The following PHF2 variants were observed in gnomAD, a reference collection of about 807,000 sequenced individuals.
The protein encoded by PHF2 is PHD finger protein 2, also known as lysine-specific demethylase PHF2.
PHF2 carries 27 observed loss-of-function variants against 120.5 expected under a neutral mutation model. The ratio of observed to expected loss-of-function variants is 0.22; its 90% CI spans 0.17 to 0.31. The LOEUF is 0.31. PHF2 is among the 10% of genes least tolerant of loss of function. The pLI is 1.00. For missense variants in PHF2, 1,024 were observed against 1,434.8 expected (o/e 0.71, Z 4.63); for synonymous variants, 568 against 592.5 (o/e 0.96, Z 0.60).
Position 93,576,717 on chromosome 9 carries a change from C to CCCGGA in PHF2, c.-53_-49dup, listed in dbSNP as rs1384360674. 6 of 849,220 alleles carry CCCGGA rather than the reference C, an allele frequency of 7.1e-6. No homozygotes were observed. The highest frequency in any genetic ancestry group is 6.0e-5 in the Admixed American group (1 of 16,534). 52.6% of individuals were successfully genotyped at this position (849,220 alleles called of 1,614,324 possible). A position where few individuals can be genotyped will look rare whatever the true frequency, so the allele number is the denominator to read the frequency against. On this transcript the variant is annotated 5_prime_UTR_variant, in exon 1 of 22. Coordinates refer to ENST00000359246, the MANE Select transcript of PHF2 (RefSeq NM_005392.4). ...CCGCGCGGCCCGGCCCCCGGCCCGG[C>CCCGGA]CCGGACCGACCCGGGCAGCGCAGCG... is the stretch of plus-strand genomic sequence containing the variant.
At chr9:93,585,904 G>A (rs570817281) in intron 1 of PHF2, among the ~76,000 whole-genome samples, 8 of 152,342 alleles carry the variant, frequency 5.3e-5, no homozygotes, top group South Asian at 2.1e-4. Context: ...GGAAGGCAGC[G>A]TCAAGTGGAG....
At chr9:93,582,585 G>A (rs183823005) in intron 1 of PHF2, among the ~76,000 whole-genome samples, 15 of 152,298 alleles carry the variant, frequency 9.8e-5, no homozygotes, top group Non-Finnish European at 2.2e-4. Flanking sequence ...GTCCAGAATG[G>A]GACTTGGCTT....
intron 1 of PHF2, 21 bp from the exon 2 acceptor site, chr9:93,629,949 G>A: frequency 6.2e-7 from 1 of 1,612,656 alleles, no homozygotes; most frequent in Non-Finnish European, 8.5e-7. Context: ...CTAGGTAATG[G>A]TCTATTTCGT....
At chr9:93,579,632 C>T (rs1862897163) in intron 1 of PHF2, among the ~76,000 whole-genome samples, 1 of 152,046 alleles carries the variant, frequency 6.6e-6, no homozygotes, top group Non-Finnish European at 1.5e-5. Context: ...TGAAATAAAA[C>T]ATTACTGTAA....
chr9:93,676,723 C>CCTGCCTCCACCACAT lies in PHF2; in HGVS notation c.2963_2964insTGCCTCCACCACATC (p.Thr992_Pro993insSerAlaSerThrThr). ...CTCCACCACGCCAGCCTCTACCACC[C>CCTGCCTCCACCACAT]CGGCCTCCACCACCCCGGCCTCCAC... On this transcript the variant is annotated inframe_insertion, in exon 21 of 22. Transcript: ENST00000359246. The CCTGCCTCCACCACAT allele has an allele frequency of 1.4e-6, 2 of 1,429,300 alleles. No homozygotes were observed. Among genetic ancestry groups the CCTGCCTCCACCACAT allele is most frequent in the Non-Finnish European group, 1.8e-6 (2 of 1,092,760 alleles). 88.5% of individuals were successfully genotyped at this position (1,429,300 alleles called of 1,614,324 possible). A position where few individuals can be genotyped will look rare whatever the true frequency, so the allele number is the denominator to read the frequency against.
At chr9:93,612,806 G>A (rs974392406) in intron 1 of PHF2, among the ~76,000 whole-genome samples, 1 of 152,190 alleles carries the variant, frequency 6.6e-6, no homozygotes, top group Admixed American at 6.5e-5. Flanking sequence ...GCAGGGCCCC[G>A]GGAGGGGTGT....
chr9:93,604,405 G>A (rs1331418785), intron 1 of PHF2, among the ~76,000 whole-genome samples: 1 of 151,322 alleles, frequency 6.6e-6, no homozygotes, highest in African/African-American at 2.4e-5. Flanking sequence ...AGGATTCTGA[G>A]ATTCCATAGC....
intron 11 of PHF2, 137 bp from the exon 12 acceptor site, chr9:93,660,055 T>G (rs1587712691): frequency 9.7e-7 from 1 of 1,034,414 alleles, no homozygotes; most frequent in Non-Finnish European, 1.4e-6. Flanking sequence ...CATGATGGTG[T>G]GGGGTAGCTG....
At chr9:93,587,551 G>C (rs957430479) in intron 1 of PHF2, among the ~76,000 whole-genome samples, 2 of 151,336 alleles carry the variant, frequency 1.3e-5, no homozygotes, top group African/African-American at 4.9e-5. Context: ...GGAGCCCCGG[G>C]TGAGGGATGA....
chr9:93,611,302 C>G (rs1255519802), intron 1 of PHF2, among the ~76,000 whole-genome samples: 1 of 151,842 alleles, frequency 6.6e-6, no homozygotes. Flanking sequence ...GTAATCCCAG[C>G]TACTCAGGAG....
intron 1 of PHF2, among the ~76,000 whole-genome samples, chr9:93,614,204 G>A (rs371871979): frequency 6.6e-6 from 1 of 152,232 alleles, no homozygotes; most frequent in Non-Finnish European, 1.5e-5. Flanking sequence ...AAATTGAGAA[G>A]TTAAAGCAGC....
chr9:93,593,752 A>G (rs990823954), intron 1 of PHF2, among the ~76,000 whole-genome samples: 1 of 152,230 alleles, frequency 6.6e-6, no homozygotes, highest in Non-Finnish European at 1.5e-5. Context: ...CAAGGCTTTA[A>G]TGCTATGGGG....
intron 1 of PHF2, among the ~76,000 whole-genome samples, chr9:93,597,219 G>A (rs560032838): frequency 3.9e-4 from 60 of 152,242 alleles, no homozygotes; most frequent in Non-Finnish European, 5.3e-4. Context: ...GTGAGCCATC[G>A]CGCCTGGCCT....
rs372518832 is a variant in PHF2 at position 93,655,606 on chromosome 9, A to G, written c.953-328A>G. On this transcript the variant is annotated intron_variant, in intron 7 of 21. Transcript: ENST00000359246. Reference sequence around the variant, plus strand: ...ACTGCCCCCTCAAGTGGTCTGAGTGAGTCCCCTCAGCTCTGGGCCTCGGTT... The same window carrying G: ...ACTGCCCCCTCAAGTGGTCTGAGTGGGTCCCCTCAGCTCTGGGCCTCGGTT... Among the ~76,000 whole-genome samples the G allele has an allele frequency of 7.2e-5, 11 of 152,352 alleles. No individual in the cohort carries two copies. The East Asian group carries it at 1.3e-3, about 19-fold the overall frequency.
At chr9:93,644,528 G>A (rs532459303) in intron 3 of PHF2, among the ~76,000 whole-genome samples, 18 of 152,236 alleles carry the variant, frequency 1.2e-4, no homozygotes, top group Admixed American at 2.0e-4. Context: ...CTGTCTGTCC[G>A]CGTCAGAGGC....
intron 17 of PHF2, among the ~76,000 whole-genome samples, chr9:93,670,557 C>T (rs548698964): frequency 9.9e-5 from 15 of 152,144 alleles, no homozygotes; most frequent in African/African-American, 2.9e-4. Context: ...GGGTTGTGGG[C>T]GGTGGGGCAG....
intron 10 of PHF2, among the ~76,000 whole-genome samples, chr9:93,658,705 G>C (rs1157415983): frequency 6.6e-6 from 1 of 152,094 alleles, no homozygotes; most frequent in Non-Finnish European, 1.5e-5. Flanking sequence ...GGGACACCCT[G>C]TCGGCTCCTC....
chr9:93,663,504 T>G lies in PHF2; in HGVS notation c.1819-13T>G. The G allele has an allele frequency of 6.4e-7, 1 of 1,560,892 alleles. No individual in the cohort carries two copies. The highest frequency in any genetic ancestry group is 8.8e-7 in the Non-Finnish European group (1 of 1,134,410). ...GTGTGGGGCTCAGGGACGGCCCTGG[T>G]CTTGCTTTTCAGAACAGCAAACCTG... On this transcript the variant is annotated splice_polypyrimidine_tract_variant and intron_variant, in intron 13 of 21. Coordinates refer to ENST00000359246, the MANE Select transcript of PHF2 (RefSeq NM_005392.4).
chr9:93,673,808 G>T lies in PHF2; in HGVS notation c.2572G>T (p.Asp858Tyr), dbSNP rs929190311. 2 of 1,610,962 alleles carry T rather than the reference G, an allele frequency of 1.2e-6. No individual in the cohort carries two copies. The highest frequency in any genetic ancestry group is 1.7e-6 in the Non-Finnish European group (2 of 1,177,814). The change falls in exon 18 of 22, where the codon GAC (aspartate) becomes TAC (tyrosine). Residue 858 changes from aspartate (D) to tyrosine (Y), a missense_variant. By Grantham distance (160) the Asp-to-Tyr change is radical. Coordinates refer to ENST00000359246, the MANE Select transcript of PHF2 (RefSeq NM_005392.4). ...TGCCAAGAACAGTGTCGACCTGGAC[G>T]ACTACGAGGAAGAGCAGGACCACCT... is the stretch of plus-strand genomic sequence containing the variant. ...RAAKNSVDLD[D>Y]YEEEQDHLDA...
Sources: gnomAD v4.1 joint callset for allele counts (sites outside exome capture counted in the v4.1 genomes callset) on GRCh38, gnomAD v4.1.1 for gene constraint, MANE v1.5 for transcripts, NCBI Gene and HGNC (gene_info 2026-07-23, HGNC 2026-07-21) for gene names.